Variants in SLC24A2 observed in about 807,000 individuals in gnomAD.
SLC24A2 encodes solute carrier family 24 member 2, also known as sodium/potassium/calcium exchanger 2.
Under a neutral mutation model 62.0 loss-of-function variants are expected in SLC24A2, and 36 were observed. The ratio of observed to expected loss-of-function variants is 0.58; its 90% CI spans 0.44 to 0.77. SLC24A2 has a LOEUF of 0.77. Among genes scored for constraint, SLC24A2 ranks in the 30% least tolerant of loss-of-function variants. The probability of loss-of-function intolerance (pLI) is 0.00; values close to 1 mark genes in which losing one functional copy is unlikely to be tolerated. For missense variants in SLC24A2, 846 were observed against 817.9 expected, an observed-to-expected ratio of 1.03 and a Z score of -0.42; for synonymous variants, 358 against 294.0, an observed-to-expected ratio of 1.22 and a Z score of -2.23.
chr9:19,646,185 A>G (rs966013918), intron 2 of SLC24A2, among the ~76,000 whole-genome samples: 2 of 152,220 alleles, frequency 1.3e-5, no homozygotes, highest in Admixed American at 6.5e-5. Context: ...ACTAATAGTC[A>G]TATCAGTATG....
At chr9:19,645,057 A>T (rs939279013) in intron 2 of SLC24A2, among the ~76,000 whole-genome samples, 4 of 152,214 alleles carry the variant, frequency 2.6e-5, no homozygotes, top group African/African-American at 9.6e-5. Flanking sequence ...TCTATTTTGT[A>T]TAGCTTTTTT....
At chr9:19,982,442 C>A in the SLC24A2 span, among the ~76,000 whole-genome samples, 1 of 151,836 alleles carries the variant, frequency 6.6e-6, no homozygotes, top group Non-Finnish European at 1.5e-5. Context: ...GACTTGGGGA[C>A]AATTAAAAGA....
chr9:20,101,748 T>C, the SLC24A2 span, among the ~76,000 whole-genome samples: 3 of 152,164 alleles, frequency 2.0e-5, no homozygotes, highest in Non-Finnish European at 2.9e-5. Context: ...AAAAAATGTT[T>C]TTTTTAAGGA....
chr9:20,078,082 A>T, the SLC24A2 span, among the ~76,000 whole-genome samples: 13 of 152,138 alleles, frequency 8.5e-5, no homozygotes, highest in African/African-American at 2.4e-5. Context: ...ACTGGTTTAC[A>T]CTTGGTCTTT....
chr9:20,145,421 T>G, the SLC24A2 span, among the ~76,000 whole-genome samples: 1 of 152,096 alleles, frequency 6.6e-6, no homozygotes, highest in Non-Finnish European at 1.5e-5. Flanking sequence ...TAGAAGCCCA[T>G]AGGATCAATT....
chr9:19,685,876 A>C (rs1001502317), intron 2 of SLC24A2, among the ~76,000 whole-genome samples: 2 of 152,168 alleles, frequency 1.3e-5, no homozygotes, highest in African/African-American at 4.8e-5. Flanking sequence ...TTTCATGATG[A>C]AGATGCCAAA....
At chr9:19,997,560 C>T in the SLC24A2 span, among the ~76,000 whole-genome samples, 2 of 152,060 alleles carry the variant, frequency 1.3e-5, no homozygotes, top group Admixed American at 6.6e-5. Flanking sequence ...TCAGACTCAC[C>T]CAACAACAGA....
the SLC24A2 span, among the ~76,000 whole-genome samples, chr9:20,144,371 A>G: frequency 2.0e-5 from 3 of 152,210 alleles, no homozygotes; most frequent in Non-Finnish European, 4.4e-5. Context: ...TTGCTAGAGC[A>G]GGGACAGGGA....
At chr9:19,552,796 C>G (rs1268068315) in intron 7 of SLC24A2, among the ~76,000 whole-genome samples, 2 of 152,252 alleles carry the variant, frequency 1.3e-5, no homozygotes, top group Admixed American at 1.3e-4. Flanking sequence ...TAGCTCCTTT[C>G]TCCATCTGCC....
chr9:20,250,612 C>A, the SLC24A2 span, among the ~76,000 whole-genome samples: 1 of 152,150 alleles, frequency 6.6e-6, no homozygotes, highest in Non-Finnish European at 1.5e-5. Context: ...TACCCATGCA[C>A]GCCTCATGTG....
chr9:19,786,047 A>T lies in SLC24A2; in HGVS notation c.820T>A (p.Phe274Ile), dbSNP rs748153081. ...AATTTCATGAAAACCACATAGCAAA[A>T]ATAAGCTGTTAAGAGAAGCAAGCTT... ...WESLLLLTAY[F>I]CYVVFMKFNV... Residue 274 changes from phenylalanine (F) to isoleucine (I), a missense_variant, in exon 2 of 11, where the codon TTT (phenylalanine) becomes ATT (isoleucine). Transcript: ENST00000341998. The surrounding 1 kb of genome is among the most constrained non-coding windows in gnomAD (Gnocchi z 5.0). 6.2e-7 allele frequency: 1 copy of T among 1,614,236 alleles called. No homozygotes were observed. Among genetic ancestry groups the T allele is most frequent in the Non-Finnish European group, 8.5e-7 (1 of 1,180,018 alleles).
chr9:20,074,365 T>C, the SLC24A2 span, among the ~76,000 whole-genome samples: 1 of 151,948 alleles, frequency 6.6e-6, no homozygotes, highest in Non-Finnish European at 1.5e-5. Context: ...CATGGCATCA[T>C]TGCTCAATGC....
the SLC24A2 span, among the ~76,000 whole-genome samples, chr9:20,019,657 A>C: frequency 1.0e-3 from 156 of 152,344 alleles, no homozygotes; most frequent in African/African-American, 3.5e-3. Flanking sequence ...GGACATAGGC[A>C]TGGGCAAAGA....
the SLC24A2 span, among the ~76,000 whole-genome samples, chr9:19,842,845 G>C: frequency 1.3e-5 from 2 of 152,074 alleles, no homozygotes; most frequent in African/African-American, 4.8e-5. Context: ...AGATCACTAA[G>C]CTTCCACTAA....
chr9:20,154,766 T>C, the SLC24A2 span, among the ~76,000 whole-genome samples: 4 of 151,714 alleles, frequency 2.6e-5, no homozygotes, highest in African/African-American at 7.3e-5. Flanking sequence ...GATCTCCAGA[T>C]TGATGCAGTA....
chr9:20,174,166 A>G, the SLC24A2 span, among the ~76,000 whole-genome samples: 1 of 152,076 alleles, frequency 6.6e-6, no homozygotes, highest in African/African-American at 2.4e-5. Flanking sequence ...ATGAAACTAG[A>G]TCCTCATCTC....
intron 2 of SLC24A2, among the ~76,000 whole-genome samples, chr9:19,772,466 C>T (rs1822718499): frequency 6.6e-6 from 1 of 152,084 alleles, no homozygotes; most frequent in African/African-American, 2.4e-5. Context: ...TATTTGCAAA[C>T]CATATATCTG....
the SLC24A2 span, among the ~76,000 whole-genome samples, chr9:20,125,620 C>T: frequency 6.6e-6 from 1 of 152,106 alleles, no homozygotes; most frequent in Non-Finnish European, 1.5e-5. Context: ...TTCCACTGGG[C>T]CCAGGTCAGC....
At chr9:19,746,820 C>A (rs1821845809) in intron 2 of SLC24A2, among the ~76,000 whole-genome samples, 1 of 152,104 alleles carries the variant, frequency 6.6e-6, no homozygotes. Context: ...AGACAGCTAG[C>A]AAGAACCTTT....
Sources: gnomAD v4.1 joint callset for allele counts (sites outside exome capture counted in the v4.1 genomes callset) on GRCh38, gnomAD v4.1.1 for gene constraint, Gnocchi (gnomAD v3.1) non-coding constraint, MANE v1.5 for transcripts, NCBI Gene and HGNC (gene_info 2026-07-23, HGNC 2026-07-21) for gene names.